The following MGRN1 variants were observed in gnomAD, a reference collection of about 807,000 sequenced individuals.
The protein encoded by MGRN1 is mahogunin ring finger 1, also known as E3 ubiquitin-protein ligase MGRN1.
Under a neutral mutation model 69.2 loss-of-function variants are expected in MGRN1, and 29 were observed. The ratio of observed to expected loss-of-function variants is 0.42; its 90% CI spans 0.31 to 0.57. The LOEUF (loss-of-function observed/expected upper bound fraction) is 0.57, where lower values mean the gene tolerates loss of function less well. Ranked by LOEUF, MGRN1 falls within the 20% of genes least tolerant of loss-of-function variation. MGRN1 has a pLI of 0.15. For synonymous variants in MGRN1, 470 were observed against 344.2 expected (o/e 1.37, Z -4.04); for missense variants, 998 against 796.2 (o/e 1.25, Z -3.05).
Position 4,690,060 on chromosome 16 carries a change from G to A in MGRN1, c.*1152G>A, listed in dbSNP as rs116938902. The A allele has an allele frequency of 0.015, 2,324 of 151,884 alleles. 30 individuals carry two copies. Among genetic ancestry groups the A allele is most frequent in the Non-Finnish European group, 0.024 (1,660 of 68,016 alleles). The allele number at this position is 151,884 out of a possible 1,614,324, so 9.4% of individuals were successfully genotyped here. On this transcript the variant is annotated 3_prime_UTR_variant, in exon 17 of 17. Transcript: ENST00000262370. ...ATTACAGGCGTGAGCCTCCGCGCCC[G>A]GCCCCCTTGCAGTTCTCTCTGATTT...
At chr16:4,665,499 C>T (rs958834321) in intron 7 of MGRN1, among the ~76,000 whole-genome samples, 1 of 151,176 alleles carries the variant, frequency 6.6e-6, no homozygotes, top group African/African-American at 2.4e-5. Context: ...CTCCCGAGTA[C>T]CTGGGAGTAC....
rs1567200618 is a variant in MGRN1, at chr16:4,657,291, C to T, written c.489C>T (p.Tyr163=). 3 of 1,614,224 alleles carry T rather than the reference C, an allele frequency of 1.9e-6. No homozygotes were observed. Among genetic ancestry groups the T allele is most frequent in the South Asian group, 2.2e-5 (2 of 91,090 alleles). The change falls in exon 5 of 17, where the codon TAC becomes TAT. Residue 163 remains tyrosine, a synonymous_variant. Coordinates refer to ENST00000262370, the MANE Select transcript of MGRN1 (RefSeq NM_015246.4). Reference sequence around the variant, plus strand: ...CGCTACAGTCCGAGACCGTCCACTACAAGAGAGGGGTGAGCCAGCAGTTCT... The same window carrying T: ...CGCTACAGTCCGAGACCGTCCACTATAAGAGAGGGGTGAGCCAGCAGTTCT... The part of the protein sequence containing the change: ...SPSLQSETVH[Y]KRGVSQQFSL...
chr16:4,655,875 T>C (rs1329970902), intron 4 of MGRN1, among the ~76,000 whole-genome samples: 1 of 152,230 alleles, frequency 6.6e-6, no homozygotes, highest in Non-Finnish European at 1.5e-5. Flanking sequence ...GGCCTCCGCA[T>C]CTCACAGGAG....
rs1459334576 is a variant in MGRN1, at chr16:4,673,433, C to T, written c.796-65C>T. The T allele has an allele frequency of 1.7e-5, 26 of 1,570,146 alleles. No individual in the cohort carries two copies. In the East Asian group the frequency reaches 4.5e-4, roughly 27 times the overall value. On this transcript the variant is annotated intron_variant, in intron 9 of 16. Transcript: ENST00000262370. Reference sequence around the variant, plus strand: ...TGGAGTGGGGTGGGACAGCTGGGGACAGGAAGCAGGAGCCGTACTCTGGCC... The same window carrying T: ...TGGAGTGGGGTGGGACAGCTGGGGATAGGAAGCAGGAGCCGTACTCTGGCC...
intron 10 of MGRN1, among the ~76,000 whole-genome samples, chr16:4,675,645 C>G (rs915649042): frequency 6.6e-6 from 1 of 151,120 alleles, no homozygotes; most frequent in African/African-American, 2.4e-5. Flanking sequence ...GCGGGAGGAT[C>G]GGCTGAGCCT....
At chr16:4,644,718 A>C (rs1359040045) in intron 1 of MGRN1, among the ~76,000 whole-genome samples, 1 of 152,226 alleles carries the variant, frequency 6.6e-6, no homozygotes, top group African/African-American at 2.4e-5. Context: ...AAATTGACAT[A>C]AAAACCTAGT....
chr16:4,674,586 T>TTC (rs1555457309), intron 10 of MGRN1, among the ~76,000 whole-genome samples: 5 of 140,046 alleles, frequency 3.6e-5, no homozygotes, highest in African/African-American at 1.1e-4. Flanking sequence ...CGCTTTTTTT[T>TTC]TTTTCTTTTC....
At chr16:4,666,477 T>A (rs1178410590) in intron 7 of MGRN1, among the ~76,000 whole-genome samples, 1 of 152,120 alleles carries the variant, frequency 6.6e-6, no homozygotes, top group Non-Finnish European at 1.5e-5. Flanking sequence ...GGGAGAACAT[T>A]GTAGACTGAG....
chr16:4,648,132 G>T (rs1293309352), intron 1 of MGRN1, among the ~76,000 whole-genome samples: 2 of 152,192 alleles, frequency 1.3e-5, no homozygotes, highest in African/African-American at 4.8e-5. Flanking sequence ...TGGGAATTCT[G>T]AGAATTCCCA....
chr16:4,649,948 C>T (rs1227964859), intron 1 of MGRN1: 1 of 163,082 alleles, frequency 6.1e-6, no homozygotes, highest in African/African-American at 2.4e-5. Context: ...GAGCCTTTCT[C>T]AGGGCCGAGC....
In MGRN1 at chr16:4,671,490, A is replaced by G. The variant is rs746057085; in HGVS notation, c.795+31A>G. 3.6e-5 allele frequency: 58 copies of G among 1,607,512 alleles called. No individual in the cohort carries two copies. The East Asian group carries it at 3.8e-4, about 11-fold the overall frequency. On this transcript the variant is annotated intron_variant, in intron 9 of 16. Transcript: ENST00000262370. ...TATCTGGGTGAGGTTTCCCTCTGCC[A>G]TTACAGAAGCCCACACCAGGAGCAG...
chr16:4,653,725 T>A (rs1431195600), intron 4 of MGRN1, among the ~76,000 whole-genome samples: 1 of 151,792 alleles, frequency 6.6e-6, no homozygotes, highest in East Asian at 1.9e-4. Context: ...CTTGACCTCA[T>A]GATCTGTCCA....
At chr16:4,686,809 C>T in intron 16 of MGRN1, 1 of 987,852 alleles carries the variant, frequency 1.0e-6, no homozygotes, top group Non-Finnish European at 1.2e-6. Context: ...GGACGCTCAG[C>T]AGGTCCACTC....
intron 8 of MGRN1, among the ~76,000 whole-genome samples, chr16:4,668,687 C>T (rs1056521252): frequency 3.3e-5 from 5 of 151,100 alleles, no homozygotes; most frequent in East Asian, 1.9e-4. Context: ...TAGACACACT[C>T]GTACACATAC....
rs1040534453 is a variant in MGRN1, at chr16:4,680,311, C to T, written c.1131+214C>T. 22 of 545,080 alleles carry T rather than the reference C, an allele frequency of 4.0e-5. 1 individual carries two copies. The highest frequency in any genetic ancestry group is 2.9e-4 in the South Asian group (13 of 44,828). The allele number at this position is 545,080 out of a possible 1,614,324, so 33.8% of individuals were successfully genotyped here. A position where few individuals can be genotyped will look rare whatever the true frequency, so the allele number is the denominator to read the frequency against. On this transcript the variant is annotated intron_variant, in intron 12 of 16. Transcript: ENST00000262370. ...GAAACGCCAGGTGCGCTGGCCCCGCCGCCCTCCCCTCAGCTTTGCCTCCGC... is the reference window on the plus strand; with the variant it reads ...GAAACGCCAGGTGCGCTGGCCCCGCTGCCCTCCCCTCAGCTTTGCCTCCGC...
intron 16 of MGRN1, chr16:4,688,043 G>T (rs1268552080): frequency 1.0e-6 from 1 of 985,428 alleles, no homozygotes; most frequent in African/African-American, 1.7e-5. Flanking sequence ...ATCTAGAACA[G>T]GGCTCACAGC....
intron 2 of MGRN1, among the ~76,000 whole-genome samples, chr16:4,651,641 G>A (rs1423260228): frequency 6.6e-6 from 1 of 152,096 alleles, no homozygotes; most frequent in South Asian, 2.1e-4. Context: ...TGAGGAAGGG[G>A]CTGAGGGTGC....
chr16:4,674,521 T>C (rs2079010070), intron 10 of MGRN1, among the ~76,000 whole-genome samples: 1 of 151,220 alleles, frequency 6.6e-6, no homozygotes, highest in South Asian at 2.1e-4. Context: ...ACTCCTGACC[T>C]CGTGATCTGC....
At chr16:4,652,614 G>C in intron 3 of MGRN1, 64 bp from the exon 4 acceptor site, 1 of 1,539,992 alleles carries the variant, frequency 6.5e-7, no homozygotes, top group Non-Finnish European at 8.8e-7. Flanking sequence ...CCTGGCAGGG[G>C]AGGAGGCAGC....
Sources: allele counts gnomAD v4.1 joint callset (sites outside exome capture counted in the v4.1 genomes callset), GRCh38; gene constraint gnomAD v4.1.1; transcripts MANE v1.5; gene names NCBI Gene and HGNC (gene_info 2026-07-23, HGNC 2026-07-21).